CD22: variants seen among roughly 807,000 people sequenced by gnomAD.
The protein encoded by CD22 is B-cell receptor CD22.
CD22 carries 51 observed loss-of-function variants against 94.7 expected under a neutral mutation model. The ratio of observed to expected loss-of-function variants is 0.54; its 90% confidence interval spans 0.43 to 0.68. CD22 has a LOEUF of 0.68. Ranked by LOEUF, CD22 falls within the 30% of genes least tolerant of loss-of-function variation. The pLI, the probability that CD22 is intolerant of heterozygous loss-of-function variation, is 0.00. For synonymous variants in CD22, 424 were observed against 422.5 expected, an observed-to-expected ratio of 1.00 and a Z score of -0.04; for missense variants, 931 against 1,060.4, an observed-to-expected ratio of 0.88 and a Z score of 1.69.
At chr19:35,332,194 T>C (rs1183462520) in intron 2 of CD22, 120 bp downstream of exon 2, 1 of 1,028,352 alleles carries the variant, frequency 9.7e-7, no homozygotes, top group Non-Finnish European at 1.5e-6. Flanking sequence ...GCGGTGTGTA[T>C]AGATAAATGT....
At chr19:35,332,102 G>A (rs369911115) in intron 2 of CD22, 28 bp downstream of exon 2, 1 of 1,613,918 alleles carries the variant, frequency 6.2e-7, no homozygotes, top group Admixed American at 1.7e-5. Flanking sequence ...GGCTAGTACT[G>A]GGGTTCTGGG....
chr19:35,346,368 C>A, intron 13 of CD22, 133 bp downstream of exon 13: 1 of 1,068,144 alleles, frequency 9.4e-7, no homozygotes, highest in Non-Finnish European at 1.4e-6. Context: ...GTGTTGGAGA[C>A]GGTTGCTCCG....
At position 35,337,737 on chromosome 19, in the gene CD22, G is replaced by C; in HGVS notation, c.719-18G>C. The C allele has an allele frequency of 6.3e-7, 1 of 1,577,722 alleles. No homozygotes were observed. On this transcript the variant is annotated intron_variant, in intron 4 of 13. Coordinates refer to ENST00000085219, the MANE Select transcript of CD22 (RefSeq NM_001771.4). The surrounding 1 kb of genome is among the most constrained non-coding windows in gnomAD (Gnocchi z 4.4). ...AGGATTCCCCGCCCCCTCCCCGACT[G>C]CCCCTCTGCTCCTCCAGACACCCCG...
rs569020200 is a variant in CD22 at position 35,344,720 on chromosome 19, G to C, written c.2036-109G>C. ...TCTGCACCCCTGCACGCATGCAGGG[G>C]AGAAGGACGAGTCTGGCTGCAGAGA... On this transcript the variant is annotated intron_variant, in intron 9 of 13. Coordinates refer to ENST00000085219, the MANE Select transcript of CD22 (RefSeq NM_001771.4). The C allele has an allele frequency of 1.5e-5, 12 of 778,914 alleles. No individual in the cohort carries two copies. The South Asian group carries it at 1.7e-4, about 11-fold the overall frequency. The allele number at this position is 778,914 out of a possible 1,614,324, so 48.3% of individuals were successfully genotyped here. A position where few individuals can be genotyped will look rare whatever the true frequency, so the allele number is the denominator to read the frequency against.
chr19:35,329,422 TGA>T (rs2145640339), intron 1 of CD22, 192 bp downstream of exon 1: 2 of 387,876 alleles, frequency 5.2e-6, no homozygotes, highest in East Asian at 7.3e-5. Context: ...CTGAGTCTTC[TGA>T]GAGTAGGGTA....
At chr19:35,331,966 C>T (rs111253685) in intron 1 of CD22, 53 bp from the exon 2 acceptor site, 8 of 1,612,356 alleles carry the variant, frequency 5.0e-6, no homozygotes, top group African/African-American at 4.0e-5. Context: ...AGAAAAGCCA[C>T]GTGGAAGAAG....
intron 6 of CD22, among the ~76,000 whole-genome samples, chr19:35,340,126 A>G (rs1387341566): frequency 6.6e-6 from 1 of 152,202 alleles, no homozygotes; most frequent in Non-Finnish European, 1.5e-5. Context: ...AATCCTGAGC[A>G]TCTCAGACAG....
In CD22 at chr19:35,329,222, C is replaced by T. The variant is rs779775447; in HGVS notation, c.-31C>T. The T allele has an allele frequency of 1.1e-5, 14 of 1,289,324 alleles. No homozygotes were observed. The highest frequency in any genetic ancestry group is 5.5e-5 in the East Asian group (1 of 18,032). 79.9% of individuals were successfully genotyped at this position (1,289,324 alleles called of 1,614,324 possible). A position where few individuals can be genotyped will look rare whatever the true frequency, so the allele number is the denominator to read the frequency against. On this transcript the variant is annotated 5_prime_UTR_variant, in exon 1 of 14. Transcript: ENST00000085219. ...AGGGTCCCTGAAGAGGGAAGACACG[C>T]GGAAACAGGTAAAAATCATTTTGCT...
At chr19:35,345,257 A>C in intron 11 of CD22, 131 bp downstream of exon 11, 1 of 744,686 alleles carries the variant, frequency 1.3e-6, no homozygotes, top group Admixed American at 2.4e-5. Context: ...GTCTCTACAA[A>C]AAATATTTTA....
At chr19:35,335,057 G>A (rs1206647158) in intron 3 of CD22, among the ~76,000 whole-genome samples, 6 of 131,788 alleles carry the variant, frequency 4.6e-5, no homozygotes, top group Admixed American at 8.4e-5. Flanking sequence ...CAGTCCGGGC[G>A]ACAGAGCGAG....
chr19:35,342,133 C>T (rs1196487778), intron 9 of CD22, among the ~76,000 whole-genome samples, 168 bp downstream of exon 9: 1 of 150,078 alleles, frequency 6.7e-6, no homozygotes, highest in Admixed American at 6.7e-5. Flanking sequence ...CTTCTGCTTT[C>T]TCCCTCTCCT....
At chr19:35,336,412 A>G (rs1389669619) in intron 4 of CD22, 71 bp downstream of exon 4, 2 of 1,479,084 alleles carry the variant, frequency 1.4e-6, no homozygotes, top group South Asian at 1.3e-5. Context: ...CGCAGGGGGC[A>G]TGCACCCAGG....
chr19:35,338,028 C>A lies in CD22; in HGVS notation c.985+7C>A, dbSNP rs373307152. 1.8e-5 allele frequency: 29 copies of A among 1,602,202 alleles called. No homozygotes were observed. The South Asian group carries it at 3.0e-4, about 17-fold the overall frequency. ...GTGTTCCTGCAAGTGCAGTGTGAGC[C>A]CCTCGGAGCTGGGGACAGGCCAGGC... On this transcript the variant is annotated splice_region_variant and intron_variant, in intron 5 of 13. Coordinates refer to ENST00000085219, the MANE Select transcript of CD22 (RefSeq NM_001771.4).
chr19:35,337,252 A>G lies in CD22; in HGVS notation c.719-503A>G, dbSNP rs1461440069. 6.6e-6 allele frequency among the ~76,000 whole-genome samples: 1 copy of G among 151,902 alleles called. No homozygotes were observed. Among genetic ancestry groups the G allele is most frequent in the Non-Finnish European group, 1.5e-5 (1 of 67,952 alleles). On this transcript the variant is annotated intron_variant, in intron 4 of 13. Coordinates refer to ENST00000085219, the MANE Select transcript of CD22 (RefSeq NM_001771.4). This position sits in a 1 kb window ranked among gnomAD's most constrained non-coding sequence, Gnocchi z 4.4. ...GACTCCATCTCAAAAAAAGAAAAAA[A>G]AAGAAGGTGAGCACTTAAGCTGACT...
In CD22 at chr19:35,336,455, T is replaced by A. The variant is rs1206503241; in HGVS notation, c.718+114T>A. 6.1e-6 allele frequency: 6 copies of A among 978,998 alleles called. No homozygotes were observed. The East Asian group carries it at 7.8e-5, about 13-fold the overall frequency. 60.6% of individuals were successfully genotyped at this position (978,998 alleles called of 1,614,324 possible). A position where few individuals can be genotyped will look rare whatever the true frequency, so the allele number is the denominator to read the frequency against. On this transcript the variant is annotated intron_variant, in intron 4 of 13. Coordinates refer to ENST00000085219, the MANE Select transcript of CD22 (RefSeq NM_001771.4). Reference sequence around the variant, plus strand: ...GAAGCCTGCACAGACGGCGGCATCCTCCAGCCCTGGTCACGCCGCCTTGTC... The same window carrying A: ...GAAGCCTGCACAGACGGCGGCATCCACCAGCCCTGGTCACGCCGCCTTGTC...
At position 35,338,963 on chromosome 19, in the gene CD22, G is replaced by A. The variant is rs566632057; in HGVS notation, c.1249+532G>A. 3.0e-4 allele frequency among the ~76,000 whole-genome samples: 46 copies of A among 151,306 alleles called. 1 individual carries two copies. In the South Asian group the frequency reaches 6.5e-3, roughly 21 times the overall value. ...TTGTTGAATGAATGAGGCCAGGTGC[G>A]GTGGCTCCCGCCTGCAATCCCAGCT... On this transcript the variant is annotated intron_variant, in intron 6 of 13. Coordinates refer to ENST00000085219, the MANE Select transcript of CD22 (RefSeq NM_001771.4).
At position 35,337,323 on chromosome 19, in the gene CD22, G is replaced by T. The variant is rs1297646233; in HGVS notation, c.719-432G>T. Reference sequence around the variant, plus strand: ...GGCCGGCACATATTTGGGAGAGGAGGATTTCAGGGAAAGAGAAGGGCAGGT... The same window carrying T: ...GGCCGGCACATATTTGGGAGAGGAGTATTTCAGGGAAAGAGAAGGGCAGGT... On this transcript the variant is annotated intron_variant, in intron 4 of 13. Coordinates refer to ENST00000085219, the MANE Select transcript of CD22 (RefSeq NM_001771.4). The surrounding 1 kb of genome is among the most constrained non-coding windows in gnomAD (Gnocchi z 4.4). 2.0e-5 allele frequency among the ~76,000 whole-genome samples: 3 copies of T among 152,168 alleles called. No individual in the cohort carries two copies. Among genetic ancestry groups the T allele is most frequent in the Admixed American group, 6.5e-5 (1 of 15,278 alleles).
intron 3 of CD22, among the ~76,000 whole-genome samples, chr19:35,335,376 C>T (rs2066706509): frequency 1.3e-5 from 2 of 151,812 alleles, no homozygotes; most frequent in Admixed American, 1.3e-4. Flanking sequence ...GGTAACATGG[C>T]AAGACCCTGT....
At position 35,346,822 on chromosome 19, in the gene CD22, A is replaced by ACACACACACACACACG; in HGVS notation, c.*140_*141insGCACACACACACACAC. The stretch of plus-strand genomic sequence containing the variant: ...TGCGCACACACACACACACACGCAC[A>ACACACACACACACACG]CACACACACACACACTCACTGCGGA... On this transcript the variant is annotated 3_prime_UTR_variant, in exon 14 of 14. Transcript: ENST00000085219. The ACACACACACACACACG allele has an allele frequency of 1.3e-6, 1 of 747,618 alleles. No homozygotes were observed. The highest frequency in any genetic ancestry group is 2.1e-5 in the African/African-American group (1 of 46,708). 46.3% of individuals were successfully genotyped at this position (747,618 alleles called of 1,614,324 possible).
Sources: allele counts gnomAD v4.1 joint callset (sites outside exome capture counted in the v4.1 genomes callset), GRCh38; gene constraint gnomAD v4.1.1; non-coding constraint Gnocchi (gnomAD v3.1); transcripts MANE v1.5; gene names NCBI Gene and HGNC (gene_info 2026-07-23, HGNC 2026-07-21).